The following CEP72 variants were observed in gnomAD, a reference collection of about 807,000 sequenced individuals.
The protein encoded by CEP72 is centrosomal protein 72, also known as centrosomal protein of 72 kDa.
A neutral mutation model predicts 65.7 loss-of-function variants in CEP72; 78 were observed. That is an observed-to-expected ratio of 1.19 (90% confidence interval 0.99 to 1.43). The LOEUF is 1.43. Among genes scored for constraint, CEP72 ranks in the 40% most tolerant of loss-of-function variants. The pLI is 0.00. For missense variants in CEP72, 914 were observed against 832.9 expected, an observed-to-expected ratio of 1.10 and a Z score of -1.20; for synonymous variants, 358 against 351.7, an observed-to-expected ratio of 1.02 and a Z score of -0.20.
chr5:663,621 G>C (rs1161406717), intron 2 of CEP72: 1 of 142,474 alleles, frequency 7.0e-6, no homozygotes, highest in Non-Finnish European at 1.5e-5. Context: ...GTGCACTCTT[G>C]GGAGTCGGGG....
chr5:641,359 G>C, intron 9 of CEP72: 7 of 985,460 alleles, frequency 7.1e-6, no homozygotes, highest in Non-Finnish European at 8.4e-6. Flanking sequence ...AGCCACGTGA[G>C]GATGTGCACA....
At chr5:656,561 G>T (rs1580054090), downstream of CEP72, among the ~76,000 whole-genome samples, 2 of 152,050 alleles carry the variant, frequency 1.3e-5, no homozygotes, top group East Asian at 3.9e-4. Flanking sequence ...AAATGTGCTT[G>T]GATTTCATTT....
chr5:651,784 C>T (rs766618100), intron 11 of CEP72, among the ~76,000 whole-genome samples: 1 of 151,986 alleles, frequency 6.6e-6, no homozygotes, highest in Non-Finnish European at 1.5e-5. Flanking sequence ...GTGGCCTCAG[C>T]AGGGAAGGCT....
chr5:631,740 G>T (rs1697986), intron 4 of CEP72, among the ~76,000 whole-genome samples: 305 of 54,294 alleles, frequency 5.6e-3, no homozygotes, highest in African/African-American at 0.02. Context: ...CTGGTGGGGT[G>T]CTGTCCAGTG....
downstream of CEP72, among the ~76,000 whole-genome samples, chr5:654,888 T>C (rs1561070263): frequency 8.7e-6 from 1 of 115,478 alleles, no homozygotes; most frequent in African/African-American, 2.6e-5. Context: ...TAGACTGTGA[T>C]ACTGTCTCTC....
At chr5:650,124 G>A (rs1331441755) in intron 11 of CEP72, among the ~76,000 whole-genome samples, 1 of 99,416 alleles carries the variant, frequency 1.0e-5, no homozygotes, top group Non-Finnish European at 1.9e-5. Context: ...ACTGTGAGGC[G>A]TGGACTGTGA....
rs138269756 is a variant in CEP72, at chr5:645,053, T to C, written c.1666+628T>C. ...CCTTCTCGGTGTGGCGTGGAGTCTC[T>C]TGGAAGTTTTAACTCATACTTCCCT... On this transcript the variant is annotated intron_variant, in intron 10 of 11. Coordinates refer to ENST00000264935, the MANE Select transcript of CEP72 (RefSeq NM_018140.4). This position sits in a 1 kb window ranked among gnomAD's most constrained non-coding sequence, Gnocchi z 4.0. Among the ~76,000 whole-genome samples, 1 of 151,908 alleles carries C rather than the reference T, an allele frequency of 6.6e-6. No homozygotes were observed. Among genetic ancestry groups the C allele is most frequent in the East Asian group, 1.9e-4 (1 of 5,150 alleles).
At chr5:665,512 A>G (rs936882433) in intron 3 of CEP72, among the ~76,000 whole-genome samples, 1 of 152,040 alleles carries the variant, frequency 6.6e-6, no homozygotes, top group African/African-American at 2.4e-5. Context: ...ACAATTGCCC[A>G]GGTCCACCTG....
rs577972731 is a variant in CEP72 at position 644,405 on chromosome 5, C to T, written c.1646C>T (p.Thr549Met). The T allele has an allele frequency of 3.1e-6, 5 of 1,613,788 alleles. No individual in the cohort carries two copies. Among genetic ancestry groups the T allele is most frequent in the East Asian group, 2.2e-5 (1 of 44,890 alleles). The change falls in exon 10 of 12, where the codon ACG (threonine) becomes ATG (methionine). Residue 549 changes from threonine to methionine, a missense_variant. Coordinates refer to ENST00000264935, the MANE Select transcript of CEP72 (RefSeq NM_018140.4). The part of the protein sequence containing the change: ...KEVKSADTAA[T>M]LNLQIAGLQT... ...GTGAAGAGTGCAGACACTGCAGCCA[C>T]GTTAAATTTGCAGATCGCTGGTAAG...
chr5:672,811 G>A, the CEP72 span, among the ~76,000 whole-genome samples: 4 of 152,250 alleles, frequency 2.6e-5, no homozygotes, highest in Non-Finnish European at 5.9e-5. Flanking sequence ...TTGCAGGAGG[G>A]AGTCATTGTC....
In CEP72 at chr5:645,183, G is replaced by A. The variant is rs975081903; in HGVS notation, c.1666+758G>A. On this transcript the variant is annotated intron_variant, in intron 10 of 11. Coordinates refer to ENST00000264935, the MANE Select transcript of CEP72 (RefSeq NM_018140.4). The surrounding 1 kb of genome is among the most constrained non-coding windows in gnomAD (Gnocchi z 4.0). Reference sequence around the variant, plus strand: ...CCGTTTCAGGGCGTGTGGGTCTCACGATGTCTGTCCCAACCAGCGGTGGCC... The same window carrying A: ...CCGTTTCAGGGCGTGTGGGTCTCACAATGTCTGTCCCAACCAGCGGTGGCC... Among the ~76,000 whole-genome samples, 4 of 151,952 alleles carry A rather than the reference G, an allele frequency of 2.6e-5. No homozygotes were observed. Among genetic ancestry groups the A allele is most frequent in the African/African-American group, 7.3e-5 (3 of 41,366 alleles).
intron 3 of CEP72, among the ~76,000 whole-genome samples, chr5:621,948 C>T (rs1736423127): frequency 6.6e-6 from 1 of 152,168 alleles, no homozygotes; most frequent in Non-Finnish European, 1.5e-5. Flanking sequence ...TAATTTGTGT[C>T]TTTTTAGTAG....
intron 9 of CEP72, chr5:643,196 CTT>C: frequency 1.0e-6 from 1 of 984,982 alleles, no homozygotes; most frequent in South Asian, 4.7e-5. Context: ...CAGAGGGAGA[CTT>C]TGCCTCAAAG....
downstream of CEP72, chr5:660,680 C>G (rs887096656): frequency 4.6e-5 from 7 of 152,270 alleles, no homozygotes; most frequent in East Asian, 1.2e-3. Context: ...TCAACTCCTC[C>G]CCACTCCACT....
downstream of CEP72, among the ~76,000 whole-genome samples, chr5:654,458 T>C (rs1169476453): frequency 2.0e-5 from 3 of 150,724 alleles, no homozygotes; most frequent in Non-Finnish European, 4.4e-5. Context: ...TGTGCTTCTG[T>C]GTGTGTGTGT....
intron 10 of CEP72, among the ~76,000 whole-genome samples, chr5:644,725 G>C (rs1242631834): frequency 6.6e-6 from 1 of 152,172 alleles, no homozygotes; most frequent in African/African-American, 2.4e-5. Context: ...TGCTGGAGGG[G>C]CCTGGTCACT....
Position 644,407 on chromosome 5 carries a change from T to G in CEP72, c.1648T>G (p.Leu550Val). The G allele has an allele frequency of 6.2e-7, 1 of 1,613,872 alleles. No individual in the cohort carries two copies. Among genetic ancestry groups the G allele is most frequent in the Non-Finnish European group, 8.5e-7 (1 of 1,179,944 alleles). Residue 550 changes from leucine (L) to valine (V), a missense_variant, in exon 10 of 12, where the codon TTA becomes GTA. Physicochemically the swap from Leu to Val is conservative, Grantham distance 32. Coordinates refer to ENST00000264935, the MANE Select transcript of CEP72 (RefSeq NM_018140.4). The part of the protein sequence containing the change: ...EVKSADTAAT[L>V]NLQIAGLQTS... ...GAAGAGTGCAGACACTGCAGCCACGTTAAATTTGCAGATCGCTGGTAAGTT... is the reference window on the plus strand; with the variant it reads ...GAAGAGTGCAGACACTGCAGCCACGGTAAATTTGCAGATCGCTGGTAAGTT...
intron 4 of CEP72, among the ~76,000 whole-genome samples, chr5:666,487 G>A (rs984176170): frequency 6.6e-5 from 10 of 152,190 alleles, no homozygotes; most frequent in Non-Finnish European, 1.5e-4. Context: ...GGACCTGCTG[G>A]GGCCCCGGCT....
intron 10 of CEP72, 107 bp downstream of exon 10, chr5:644,532 G>A (rs1738287039): frequency 1.2e-5 from 16 of 1,339,668 alleles, no homozygotes; most frequent in Middle Eastern, 1.9e-4. Context: ...AGCAGCAGAC[G>A]CAGTTGGTAA....
Sources: allele counts gnomAD v4.1 joint callset (sites outside exome capture counted in the v4.1 genomes callset), GRCh38; gene constraint gnomAD v4.1.1; non-coding constraint Gnocchi (gnomAD v3.1); transcripts MANE v1.5; gene names NCBI Gene and HGNC (gene_info 2026-07-23, HGNC 2026-07-21).